Variants in SLC30A4 observed in about 807,000 individuals in gnomAD.
The protein encoded by SLC30A4 is probable proton-coupled zinc antiporter SLC30A4.
Under a neutral mutation model 41.7 loss-of-function variants are expected in SLC30A4, and 20 were observed. The ratio of observed to expected loss-of-function variants is 0.48; its 90% CI spans 0.34 to 0.70. The LOEUF is 0.70. Ranked by LOEUF, SLC30A4 falls within the 30% of genes least tolerant of loss-of-function variation. The pLI is 0.01. For missense variants in SLC30A4, 441 were observed against 529.3 expected (o/e 0.83, Z 1.64); for synonymous variants, 181 against 195.9 (o/e 0.92, Z 0.64).
intron 4 of SLC30A4, among the ~76,000 whole-genome samples, chr15:45,489,675 C>T (rs1218609197): frequency 6.7e-6 from 1 of 150,062 alleles, no homozygotes; most frequent in Non-Finnish European, 1.5e-5. Context: ...TGCTAAATGA[C>T]GAGTTAATGG....
At position 45,487,960 on chromosome 15, in the gene SLC30A4, A is replaced by AGTGT. The variant is rs58392709; in HGVS notation, c.895-332_895-329dup. On this transcript the variant is annotated intron_variant, in intron 5 of 7. Coordinates refer to ENST00000261867, the MANE Select transcript of SLC30A4 (RefSeq NM_013309.6). ...TGTGTGTGTGTCAAAGCTGGAAAAAAGTGTGTGTGTGTGTGTGTGTGTGTG... is the reference window on the plus strand; with the variant it reads ...TGTGTGTGTGTCAAAGCTGGAAAAAAGTGTGTGTGTGTGTGTGTGTGTGTGTGTG... 5.3e-3 allele frequency among the ~76,000 whole-genome samples: 739 copies of AGTGT among 139,766 alleles called. 17 individuals are homozygous for AGTGT. Among genetic ancestry groups the AGTGT allele is most frequent in the African/African-American group, 0.015 (585 of 38,240 alleles). 91.7% of individuals were successfully genotyped at this position (139,766 alleles called of 152,430 possible).
Position 45,522,172 on chromosome 15 carries a change from AGGCCTTTCCGG to A in SLC30A4, c.172_182del (p.Pro58CysfsTer2). The stretch of plus-strand genomic sequence containing the variant: ...GGAGGGTCGGGTGCGCCCCGTTAAC[AGGCCTTTCCGG>A]GGCTTCGGAACCGTCATCGGCCACC... On this transcript the variant is annotated frameshift_variant, in exon 2 of 8. Coordinates refer to ENST00000261867, the MANE Select transcript of SLC30A4 (RefSeq NM_013309.6). LOFTEE classifies it high-confidence loss of function. 1 of 1,614,204 alleles carries A rather than the reference AGGCCTTTCCGG, an allele frequency of 6.2e-7. No individual in the cohort carries two copies. The highest frequency in any genetic ancestry group is 8.5e-7 in the Non-Finnish European group (1 of 1,180,030).
At position 45,486,267 on chromosome 15, in the gene SLC30A4, C is replaced by T. The variant is rs528984645; in HGVS notation, c.1135+344G>A. 1.4e-4 allele frequency among the ~76,000 whole-genome samples: 21 copies of T among 152,310 alleles called. No homozygotes were observed. In the East Asian group the frequency reaches 3.9e-3, roughly 28 times the overall value. On this transcript the variant is annotated intron_variant, in intron 7 of 7. Coordinates refer to ENST00000261867, the MANE Select transcript of SLC30A4 (RefSeq NM_013309.6). Reference sequence around the variant, plus strand: ...CAAACTCCTGACCTCAGGTGATCCACCCGCCTCAGCCTTCCAAAGTGCTAG... The same window carrying T: ...CAAACTCCTGACCTCAGGTGATCCATCCGCCTCAGCCTTCCAAAGTGCTAG...
At chr15:45,496,240 G>A (rs1391980845) in intron 3 of SLC30A4, among the ~76,000 whole-genome samples, 1 of 152,060 alleles carries the variant, frequency 6.6e-6, no homozygotes, top group Non-Finnish European at 1.5e-5. Context: ...GACTAACTTA[G>A]GGTTTAAAAA....
intron 2 of SLC30A4, among the ~76,000 whole-genome samples, chr15:45,518,584 A>G (rs1892566612): frequency 7.1e-6 from 1 of 141,634 alleles, no homozygotes; most frequent in African/African-American, 3.0e-5. Flanking sequence ...CTTCTTTTTG[A>G]GAGAGTCTCA....
chr15:45,488,137 G>A (rs1891744001), intron 5 of SLC30A4, among the ~76,000 whole-genome samples: 1 of 152,064 alleles, frequency 6.6e-6, no homozygotes, highest in African/African-American at 2.4e-5. Context: ...ATAAAGAAGA[G>A]GGAACTCAAG....
intron 3 of SLC30A4, chr15:45,502,470 C>G (rs1312940842): frequency 6.6e-6 from 1 of 152,206 alleles, no homozygotes; most frequent in Non-Finnish European, 1.5e-5. Flanking sequence ...ACTGTAGCCT[C>G]AACCTCCTGG....
chr15:45,494,592 C>G (rs1891874313), intron 3 of SLC30A4, among the ~76,000 whole-genome samples: 1 of 152,048 alleles, frequency 6.6e-6, no homozygotes, highest in Non-Finnish European at 1.5e-5. Flanking sequence ...GGCTGAGGCA[C>G]AAGAATTGCT....
At chr15:45,490,959 CT>C in intron 3 of SLC30A4, 78 bp from the exon 4 acceptor site, 1 of 920,774 alleles carries the variant, frequency 1.1e-6, no homozygotes, top group Non-Finnish European at 1.6e-6. Flanking sequence ...ATTATATAGT[CT>C]TTTTTATATT....
intron 3 of SLC30A4, among the ~76,000 whole-genome samples, chr15:45,503,652 C>A (rs1165621413): frequency 1.3e-5 from 2 of 148,184 alleles, no homozygotes; most frequent in Non-Finnish European, 3.0e-5. Flanking sequence ...CAAAAAAAAA[C>A]AAACAGGCTG....
chr15:45,500,614 G>GTCTGTCTA lies in SLC30A4; in HGVS notation c.539-9734_539-9733insTAGACAGA, dbSNP rs768291285. Among the ~76,000 whole-genome samples the GTCTGTCTA allele has an allele frequency of 8.3e-3, 1,240 of 149,742 alleles. 9 individuals carry two copies. The highest frequency in any genetic ancestry group is 0.024 in the Middle Eastern group (7 of 292). On this transcript the variant is annotated intron_variant, in intron 3 of 7. Transcript: ENST00000261867. Reference sequence around the variant, plus strand: ...TACTATCCAGCTATGTTAAGGGTCTGTCTATCTATCTATCTATCTATCTAT... The same window carrying GTCTGTCTA: ...TACTATCCAGCTATGTTAAGGGTCTGTCTGTCTATCTATCTATCTATCTATCTATCTAT...
At position 45,490,772 on chromosome 15, in the gene SLC30A4, A is replaced by G. The variant is rs749570319; in HGVS notation, c.648T>C (p.Asp216=). ...TIHMNYEING[D]IMLITAAVGV... is the part of the protein sequence containing the mutation. ...CAACAGCTGCGGTGATGAGCATTAT[A>G]TCTCCATTTATTTCATAGTTCATAT... The change falls in exon 4 of 8, where the codon GAT becomes GAC. Residue 216 remains aspartate, a synonymous_variant. Coordinates refer to ENST00000261867, the MANE Select transcript of SLC30A4 (RefSeq NM_013309.6). 35 of 1,610,670 alleles carry G rather than the reference A, an allele frequency of 2.2e-5. No homozygotes were observed. Among genetic ancestry groups the G allele is most frequent in the Non-Finnish European group, 2.2e-5 (26 of 1,178,140 alleles).
intron 2 of SLC30A4, among the ~76,000 whole-genome samples, chr15:45,520,032 T>A (rs947067875): frequency 6.6e-6 from 1 of 152,144 alleles, no homozygotes; most frequent in African/African-American, 2.4e-5. Context: ...TTCAACAAGT[T>A]TATTGAGTAT....
chr15:45,513,470 T>A (rs972604284), intron 2 of SLC30A4, among the ~76,000 whole-genome samples: 1 of 151,094 alleles, frequency 6.6e-6, no homozygotes, highest in African/African-American at 2.4e-5. Flanking sequence ...AAAAGCTACA[T>A]GTTGGTGACA....
intron 3 of SLC30A4, among the ~76,000 whole-genome samples, chr15:45,500,987 T>C (rs1892018452): frequency 6.6e-6 from 1 of 150,856 alleles, no homozygotes; most frequent in Non-Finnish European, 1.5e-5. Flanking sequence ...TAGTCTATTC[T>C]GTGAACATGA....
At chr15:45,518,139 T>G (rs1028890569) in intron 2 of SLC30A4, among the ~76,000 whole-genome samples, 7 of 152,196 alleles carry the variant, frequency 4.6e-5, no homozygotes, top group African/African-American at 1.7e-4. Flanking sequence ...ATTGAAGGCT[T>G]TAGGACCTTG....
intron 3 of SLC30A4, among the ~76,000 whole-genome samples, chr15:45,495,146 CAA>C (rs955541813): frequency 2.6e-5 from 3 of 114,248 alleles, no homozygotes; most frequent in African/African-American, 6.7e-5. Context: ...CCCTGTCTCT[CAA>C]AAAAAAAAAA....
intron 2 of SLC30A4, chr15:45,512,238 A>G (rs897262537): frequency 1.3e-5 from 2 of 152,182 alleles, no homozygotes; most frequent in Non-Finnish European, 2.9e-5. Context: ...ATAAGCTTTT[A>G]TGTGTATCAG....
intron 6 of SLC30A4, among the ~76,000 whole-genome samples, chr15:45,487,107 A>G (rs901403772): frequency 3.9e-5 from 6 of 152,192 alleles, no homozygotes; most frequent in Non-Finnish European, 7.4e-5. Context: ...TCATGCTTAC[A>G]CATAATATCA....
Sources: allele counts gnomAD v4.1 joint callset (sites outside exome capture counted in the v4.1 genomes callset), GRCh38; gene constraint gnomAD v4.1.1; transcripts MANE v1.5; gene names NCBI Gene and HGNC (gene_info 2026-07-23, HGNC 2026-07-21).